PIKFYVE: variants seen among roughly 807,000 people sequenced by gnomAD.
The protein encoded by PIKFYVE is 1-phosphatidylinositol 3-phosphate 5-kinase.
A neutral mutation model predicts 257.9 loss-of-function variants in PIKFYVE; 122 were observed. The ratio of observed to expected loss-of-function variants is 0.47; its 90% CI spans 0.41 to 0.55. The LOEUF is 0.55. Among genes scored for constraint, PIKFYVE ranks in the 20% least tolerant of loss-of-function variants. The pLI, the probability that PIKFYVE is intolerant of heterozygous loss-of-function variation, is 0.00. For synonymous variants in PIKFYVE, 892 were observed against 868.9 expected (o/e 1.03, Z -0.47); for missense variants, 2,160 against 2,536.6 (o/e 0.85, Z 3.19).
intron 15 of PIKFYVE, among the ~76,000 whole-genome samples, chr2:208,317,487 A>G (rs1017459723): frequency 6.6e-5 from 10 of 152,146 alleles, no homozygotes; most frequent in East Asian, 1.9e-4. Context: ...GCCCAATACA[A>G]TTCTTCTTCC....
Position 208,358,162 on chromosome 2 carries a change from T to C in PIKFYVE, c.*2857T>C, listed in dbSNP as rs1700265655. 6.6e-6 allele frequency: 1 copy of C among 152,566 alleles called. No homozygotes were observed. The highest frequency in any genetic ancestry group is 2.4e-5 in the African/African-American group (1 of 41,462). 9.5% of individuals were successfully genotyped at this position (152,566 alleles called of 1,614,324 possible). ...TGTAAATAGTAGGGTTATATCGATA[T>C]CAGCTTTTGTGATGGCATTGTGGTC... On this transcript the variant is annotated 3_prime_UTR_variant, in exon 42 of 42. Coordinates refer to ENST00000264380, the MANE Select transcript of PIKFYVE (RefSeq NM_015040.4).
intron 15 of PIKFYVE, among the ~76,000 whole-genome samples, chr2:208,316,770 G>A (rs1695573736): frequency 6.6e-6 from 1 of 152,128 alleles, no homozygotes; most frequent in South Asian, 2.1e-4. Context: ...GCGTGGTACT[G>A]GTACCAAAAT....
chr2:208,310,817 A>T lies in PIKFYVE; in HGVS notation c.1637-1419A>T, dbSNP rs558059061. Among the ~76,000 whole-genome samples the T allele has an allele frequency of 3.3e-5, 5 of 152,322 alleles. No individual in the cohort carries two copies. In the East Asian group the frequency reaches 9.6e-4, roughly 29 times the overall value. Reference sequence around the variant, plus strand: ...AAATGCCATGTGTGAACTTGATTGCATCGAGGCTTAAGAAGAAAAACTGTG... The same window carrying T: ...AAATGCCATGTGTGAACTTGATTGCTTCGAGGCTTAAGAAGAAAAACTGTG... On this transcript the variant is annotated intron_variant, in intron 12 of 41. Transcript: ENST00000264380.
chr2:208,306,679 T>C (rs1054707194), intron 12 of PIKFYVE, among the ~76,000 whole-genome samples: 2 of 152,146 alleles, frequency 1.3e-5, no homozygotes, highest in African/African-American at 4.8e-5. Context: ...GACATTGTTA[T>C]GGTGCAACCC....
chr2:208,266,585 G>C (rs972812182), intron 1 of PIKFYVE, among the ~76,000 whole-genome samples, 170 bp downstream of exon 1: 1 of 152,250 alleles, frequency 6.6e-6, no homozygotes, highest in Non-Finnish European at 1.5e-5. Context: ...TCTGGCTTTA[G>C]AATTAGCTTG....
At chr2:208,346,272 A>G (rs1200443077) in intron 34 of PIKFYVE, 125 bp downstream of exon 34, 1 of 824,226 alleles carries the variant, frequency 1.2e-6, no homozygotes, top group African/African-American at 1.7e-5. Context: ...TCTCTGAAAT[A>G]CAAATTTAGA....
chr2:208,312,968 C>T (rs907077294), intron 13 of PIKFYVE, among the ~76,000 whole-genome samples: 5 of 152,218 alleles, frequency 3.3e-5, no homozygotes, highest in Admixed American at 2.0e-4. Context: ...TATCTGATAG[C>T]TTGGCAGTGC....
chr2:208,271,728 C>CT (rs1559382828), intron 2 of PIKFYVE, 37 bp downstream of exon 2: 3 of 1,587,604 alleles, frequency 1.9e-6, no homozygotes, highest in Non-Finnish European at 2.6e-6. Flanking sequence ...TGATTCAGGT[C>CT]TGATTGTTTG....
chr2:208,335,227 G>A, intron 24 of PIKFYVE, 79 bp from the exon 25 acceptor site: 1 of 970,350 alleles, frequency 1.0e-6, no homozygotes, highest in South Asian at 1.3e-5. Context: ...ATAGAATATA[G>A]TTGAACATCA....
At chr2:208,348,336 T>C (rs1699429680) in intron 35 of PIKFYVE, among the ~76,000 whole-genome samples, 1 of 152,232 alleles carries the variant, frequency 6.6e-6, no homozygotes. Context: ...TGTCTTAATA[T>C]GTAACTCATA....
chr2:208,349,850 G>A (rs1561240), intron 35 of PIKFYVE, among the ~76,000 whole-genome samples, 174 bp from the exon 36 acceptor site: 141,489 of 152,216 alleles, frequency 0.93, 66,298 homozygotes, highest in Non-Finnish European at 0.98. Flanking sequence ...TTTTTATTGT[G>A]ATCATTTAGA....
intron 12 of PIKFYVE, among the ~76,000 whole-genome samples, chr2:208,311,718 TTTATC>T (rs1219629869): frequency 6.6e-6 from 1 of 152,206 alleles, no homozygotes; most frequent in Non-Finnish European, 1.5e-5. Flanking sequence ...ACTGATGAGT[TTTATC>T]TTTATTCCTG....
intron 6 of PIKFYVE, among the ~76,000 whole-genome samples, chr2:208,286,800 A>G (rs1691634721): frequency 6.6e-6 from 1 of 151,900 alleles, no homozygotes; most frequent in Non-Finnish European, 1.5e-5. Flanking sequence ...GATTACAGGC[A>G]TGAGCCACTC....
Position 208,304,968 on chromosome 2 carries a change from C to G in PIKFYVE, c.1591C>G (p.Pro531Ala), listed in dbSNP as rs758500026. ...CAACGTGAACTTCCATATCAAGAAGCCCTCCAAGTACCCACATGTGCCCCC... is the reference window on the plus strand; with the variant it reads ...CAACGTGAACTTCCATATCAAGAAGGCCTCCAAGTACCCACATGTGCCCCC... Reference protein sequence around the residue: ...LDNVNFHIKKPSKYPHVPPHP... With the variant: ...LDNVNFHIKKASKYPHVPPHP... Residue 531 changes from proline (P) to alanine (A), a missense_variant, in exon 12 of 42, where the codon CCC becomes GCC. Physicochemically the swap from Pro to Ala is conservative, Grantham distance 27. Coordinates refer to ENST00000264380, the MANE Select transcript of PIKFYVE (RefSeq NM_015040.4). The G allele has an allele frequency of 2.5e-6, 4 of 1,614,152 alleles. No homozygotes were observed. The highest frequency in any genetic ancestry group is 1.1e-5 in the South Asian group (1 of 91,076).
chr2:208,354,442 C>A, intron 40 of PIKFYVE, 129 bp from the exon 41 acceptor site: 1 of 944,526 alleles, frequency 1.1e-6, no homozygotes, highest in South Asian at 1.4e-5. Context: ...GAGAACAGCA[C>A]TTGGCACATT....
Position 208,325,543 on chromosome 2 carries a change from T to G in PIKFYVE, c.2732T>G (p.Ile911Ser). ...CAAGAGCAGTACGGTGGAGGTTCCATCCCCTGGGATCCTGACATCCCTCCT... is the reference window on the plus strand; with the variant it reads ...CAAGAGCAGTACGGTGGAGGTTCCAGCCCCTGGGATCCTGACATCCCTCCT... ...AVQEQYGGGS[I>S]PWDPDIPPES... Residue 911 changes from isoleucine to serine, a missense_variant, in exon 20 of 42, where the codon ATC becomes AGC. By Grantham distance (142) the Ile-to-Ser change is moderately radical. Coordinates refer to ENST00000264380, the MANE Select transcript of PIKFYVE (RefSeq NM_015040.4). The G allele has an allele frequency of 6.2e-7, 1 of 1,614,052 alleles. No homozygotes were observed.
At position 208,330,031 on chromosome 2, in the gene PIKFYVE, G is replaced by GTGATA. The variant is rs1559139501; in HGVS notation, c.3791+120_3791+121insATATG. On this transcript the variant is annotated intron_variant, in intron 22 of 41. Transcript: ENST00000264380. ...CTGTTACATGATCCTCACTTTCATA[G>GTGATA]TGCATATCAGAGTATATCATTCAAA... The GTGATA allele has an allele frequency of 3.7e-6, 5 of 1,352,218 alleles. No homozygotes were observed. In the African/African-American group the frequency reaches 5.8e-5, roughly 16 times the overall value. The allele number at this position is 1,352,218 out of a possible 1,614,324, so 83.8% of individuals were successfully genotyped here. A position where few individuals can be genotyped will look rare whatever the true frequency, so the allele number is the denominator to read the frequency against.
chr2:208,342,761 A>G, intron 32 of PIKFYVE, 112 bp downstream of exon 32: 1 of 850,944 alleles, frequency 1.2e-6, no homozygotes, highest in Non-Finnish European at 1.9e-6. Flanking sequence ...AATATAAGCA[A>G]AAATATATGT....
At chr2:208,269,985 C>T (rs575127338) in intron 1 of PIKFYVE, 13 of 196,848 alleles carry the variant, frequency 6.6e-5, no homozygotes, top group Admixed American at 1.1e-4. Flanking sequence ...GGACAGTGTG[C>T]GGATGGGGGC....
Sources: gnomAD v4.1 joint callset for allele counts (sites outside exome capture counted in the v4.1 genomes callset) on GRCh38, gnomAD v4.1.1 for gene constraint, MANE v1.5 for transcripts, NCBI Gene and HGNC (gene_info 2026-07-23, HGNC 2026-07-21) for gene names.